Variants in OLFM4 observed in about 807,000 individuals in gnomAD.
OLFM4 encodes the protein olfactomedin-4.
Under a neutral mutation model 25.5 loss-of-function variants are expected in OLFM4, and 22 were observed. That is an observed-to-expected ratio of 0.86 (90% CI 0.62 to 1.23). The LOEUF (loss-of-function observed/expected upper bound fraction) is 1.23, where lower values mean the gene tolerates loss of function less well. Among genes scored for constraint, OLFM4 ranks in the 50% most tolerant of loss-of-function variants. OLFM4 has a pLI of 0.00. For missense variants in OLFM4, 594 were observed against 619.4 expected (o/e 0.96, Z 0.44); for synonymous variants, 255 against 237.7 (o/e 1.07, Z -0.67).
Position 53,050,595 on chromosome 13 carries a change from A to AT in OLFM4, c.1363dup (p.Tyr455LeufsTer4), listed in dbSNP as rs1286448354. ...TACTATGAACACCAGAACAGAAGAG[A>AT]TTTTTTACTATTATGACACAAACAC... On this transcript the variant is annotated frameshift_variant, in exon 5 of 5. Coordinates refer to ENST00000219022, the MANE Select transcript of OLFM4 (RefSeq NM_006418.5). LOFTEE classifies it low-confidence loss of function (END_TRUNC). 13 of 1,613,962 alleles carry AT rather than the reference A, an allele frequency of 8.1e-6. No homozygotes were observed. Among genetic ancestry groups the AT allele is most frequent in the East Asian group, 2.2e-5 (1 of 44,856 alleles).
At chr13:53,034,652 ATGGAG>A in intron 2 of OLFM4, 152 bp downstream of exon 2, 1 of 724,332 alleles carries the variant, frequency 1.4e-6, no homozygotes, top group Non-Finnish European at 2.2e-6. Flanking sequence ...TAGGACACCA[ATGGAG>A]TTCTTATTAA....
rs146454486 is a variant in OLFM4 at position 53,037,512 on chromosome 13, C to T, written c.357+3012C>T. Among the ~76,000 whole-genome samples the T allele has an allele frequency of 2.8e-3, 419 of 152,274 alleles. 4 individuals are homozygous for T. Among genetic ancestry groups the T allele is most frequent in the African/African-American group, 9.6e-3 (397 of 41,560 alleles). On this transcript the variant is annotated intron_variant, in intron 2 of 4. Coordinates refer to ENST00000219022, the MANE Select transcript of OLFM4 (RefSeq NM_006418.5). ...GGAAAATGCTGAAATTACTGTTTCT[C>T]TATTAATTTCTATAATTCATAGGGC...
intron 4 of OLFM4, among the ~76,000 whole-genome samples, chr13:53,044,400 A>G (rs1954704424): frequency 6.6e-6 from 1 of 152,028 alleles, no homozygotes; most frequent in South Asian, 2.1e-4. Context: ...AAATCATGCA[A>G]TCCTTTTATT....
At chr13:53,030,235 A>G (rs1013455322) in intron 1 of OLFM4, among the ~76,000 whole-genome samples, 1 of 152,308 alleles carries the variant, frequency 6.6e-6, no homozygotes, top group East Asian at 1.9e-4. Flanking sequence ...CAGCAATAAC[A>G]TTTACTGTGT....
At chr13:53,030,371 C>T (rs1387499325) in intron 1 of OLFM4, among the ~76,000 whole-genome samples, 3 of 152,148 alleles carry the variant, frequency 2.0e-5, no homozygotes, top group Admixed American at 1.3e-4. Flanking sequence ...GGCACGATCT[C>T]GGCTCACTGC....
At chr13:53,032,100 G>C (rs987223854) in intron 1 of OLFM4, among the ~76,000 whole-genome samples, 12 of 152,218 alleles carry the variant, frequency 7.9e-5, no homozygotes, top group Admixed American at 7.8e-4. Flanking sequence ...ACAGCTTTGG[G>C]ACAGAGATGT....
In OLFM4 at chr13:53,039,721, C is replaced by T. The variant is rs56111337; in HGVS notation, c.358-2189C>T. Among the ~76,000 whole-genome samples, 759 of 152,078 alleles carry T rather than the reference C, an allele frequency of 5.0e-3. 5 individuals carry two copies. The highest frequency in any genetic ancestry group is 8.4e-3 in the Non-Finnish European group (569 of 67,972). On this transcript the variant is annotated intron_variant, in intron 2 of 4. Coordinates refer to ENST00000219022, the MANE Select transcript of OLFM4 (RefSeq NM_006418.5). ...TCCACCATGGATACTAAGAGGTGGC[C>T]GTATATATGTTTTAACCTCCCTATC...
intron 2 of OLFM4, among the ~76,000 whole-genome samples, chr13:53,040,571 C>T (rs34775431): frequency 0.021 from 3,193 of 152,320 alleles, 51 homozygotes; most frequent in Non-Finnish European, 0.035. Context: ...TTGGCCGTGG[C>T]AACGATTTTG....
intron 2 of OLFM4, among the ~76,000 whole-genome samples, chr13:53,038,452 C>T (rs1954670895): frequency 6.6e-6 from 1 of 152,164 alleles, no homozygotes; most frequent in Admixed American, 6.5e-5. Flanking sequence ...AGCCTATTGC[C>T]AGGCTACAAA....
At chr13:53,029,397 TA>T (rs1291458789) in intron 1 of OLFM4, among the ~76,000 whole-genome samples, 1 of 152,116 alleles carries the variant, frequency 6.6e-6, no homozygotes, top group African/African-American at 2.4e-5. Context: ...TCAAATATTT[TA>T]AAAAACCTCT....
chr13:53,041,734 T>A (rs938529757), intron 2 of OLFM4, among the ~76,000 whole-genome samples, 176 bp from the exon 3 acceptor site: 9 of 152,212 alleles, frequency 5.9e-5, no homozygotes, highest in Non-Finnish European at 1.2e-4. Flanking sequence ...GAGTAATAAG[T>A]TCTTTGTATA....
chr13:53,029,046 G>A lies in OLFM4; in HGVS notation c.204+6G>A. On this transcript the variant is annotated splice_donor_region_variant and intron_variant, in intron 1 of 4. Transcript: ENST00000219022. The stretch of plus-strand genomic sequence containing the variant: ...GCGGAGGTTCTGTGTCCCAGGTGAG[G>A]AGGCCCCAGAATCTGAATGAGCTGC... The A allele has an allele frequency of 6.2e-7, 1 of 1,613,838 alleles. No individual in the cohort carries two copies.
Position 53,041,981 on chromosome 13 carries a change from C to T in OLFM4, c.429C>T (p.Ile143=). Reference sequence around the variant, plus strand: ...TAAACCTAACTGTCCGAATTGACATCATGGAGAAGGATACCATTTCTTACA... The same window carrying T: ...TAAACCTAACTGTCCGAATTGACATTATGGAGAAGGATACCATTTCTTACA... The part of the protein sequence containing the change: ...KLLNLTVRID[I]MEKDTISYTE... Residue 143 remains isoleucine, a synonymous_variant, in exon 3 of 5, where the codon ATC becomes ATT. Transcript: ENST00000219022. The T allele has an allele frequency of 6.2e-7, 1 of 1,613,856 alleles. No homozygotes were observed. The highest frequency in any genetic ancestry group is 8.5e-7 in the Non-Finnish European group (1 of 1,179,816).
At chr13:53,043,591 C>T (rs1954700222) in intron 4 of OLFM4, among the ~76,000 whole-genome samples, 1 of 152,132 alleles carries the variant, frequency 6.6e-6, no homozygotes, top group Admixed American at 6.6e-5. Flanking sequence ...TCAGGGGCCT[C>T]AGGGGAAAGC....
At chr13:53,032,144 G>T (rs1002804770) in intron 1 of OLFM4, among the ~76,000 whole-genome samples, 1 of 152,184 alleles carries the variant, frequency 6.6e-6, no homozygotes, top group African/African-American at 2.4e-5. Flanking sequence ...TGACAGCAGG[G>T]CTCATAATTA....
At chr13:53,043,022 C>A in intron 3 of OLFM4, 83 bp from the exon 4 acceptor site, 1 of 1,086,728 alleles carries the variant, frequency 9.2e-7, no homozygotes. Context: ...CAATGTTTCA[C>A]TAAATGACAA....
rs992966629 is a variant in OLFM4 at position 53,051,013 on chromosome 13, C to A, written c.*242C>A. On this transcript the variant is annotated 3_prime_UTR_variant, in exon 5 of 5. Coordinates refer to ENST00000219022, the MANE Select transcript of OLFM4 (RefSeq NM_006418.5). ...TGTCTAGGGTGGGATTGTCAGAGGT[C>A]TAGGGGCACTGTGGGCCTAGTGAAG... is the stretch of plus-strand genomic sequence containing the variant. 2.5e-5 allele frequency: 11 copies of A among 439,278 alleles called. No individual in the cohort carries two copies. The highest frequency in any genetic ancestry group is 1.2e-4 in the Admixed American group (3 of 25,250). 27.2% of individuals were successfully genotyped at this position (439,278 alleles called of 1,614,324 possible).
intron 1 of OLFM4, 103 bp downstream of exon 1, chr13:53,029,143 A>ACTTTT (rs1954614763): frequency 6.6e-7 from 1 of 1,504,582 alleles, no homozygotes; most frequent in African/African-American, 1.4e-5. Context: ...GGCACTCTAA[A>ACTTTT]AGATTTACGA....
At chr13:53,031,033 A>T (rs992022186) in intron 1 of OLFM4, among the ~76,000 whole-genome samples, 1 of 152,234 alleles carries the variant, frequency 6.6e-6, no homozygotes. Flanking sequence ...CAACTATAAT[A>T]ATAGAAAATA....
Sources: gnomAD v4.1 joint callset for allele counts (sites outside exome capture counted in the v4.1 genomes callset) on GRCh38, gnomAD v4.1.1 for gene constraint, MANE v1.5 for transcripts, NCBI Gene and HGNC (gene_info 2026-07-23, HGNC 2026-07-21) for gene names.